The following PDE4D variants were observed in gnomAD, a reference collection of about 807,000 sequenced individuals.
The protein encoded by PDE4D is phosphodiesterase 4D.
Under a neutral mutation model 87.4 loss-of-function variants are expected in PDE4D, and 24 were observed. The ratio of observed to expected loss-of-function variants is 0.27; its 90% confidence interval spans 0.20 to 0.39. The LOEUF (loss-of-function observed/expected upper bound fraction) is 0.39. Ranked by LOEUF, PDE4D falls within the 10% of genes least tolerant of loss-of-function variation. PDE4D has a pLI of 1.00. For synonymous variants in PDE4D, 384 were observed against 383.2 expected (o/e 1.00, Z -0.02); for missense variants, 714 against 1,041.0 (o/e 0.69, Z 4.32).
chr5:59,801,150 C>T (rs890416007), intron 1 of PDE4D, among the ~76,000 whole-genome samples: 3 of 152,006 alleles, frequency 2.0e-5, no homozygotes, highest in Admixed American at 6.6e-5. Context: ...GAATCAAAGA[C>T]GAGACTGAGA....
chr5:59,083,511 T>C (rs1377712859), intron 5 of PDE4D, among the ~76,000 whole-genome samples: 1 of 152,104 alleles, frequency 6.6e-6, no homozygotes, highest in Non-Finnish European at 1.5e-5. Context: ...TTTTGCTCTA[T>C]ATTCTAAGAT....
intron 1 of PDE4D, among the ~76,000 whole-genome samples, chr5:59,531,834 C>T (rs1420319103): frequency 6.6e-6 from 1 of 152,166 alleles, no homozygotes; most frequent in African/African-American, 2.4e-5. Flanking sequence ...CTAATCAAAT[C>T]TGCAAAATCT....
intron 1 of PDE4D, among the ~76,000 whole-genome samples, chr5:59,414,530 C>A (rs1793258787): frequency 6.6e-6 from 1 of 152,180 alleles, no homozygotes; most frequent in Non-Finnish European, 1.5e-5. Context: ...GACAGTAATA[C>A]ACCAGTTTGT....
intron 3 of PDE4D, among the ~76,000 whole-genome samples, chr5:59,974,509 C>T (rs1182942181): frequency 2.0e-5 from 3 of 152,142 alleles, no homozygotes; most frequent in Non-Finnish European, 2.9e-5. Flanking sequence ...ACACCAGAAG[C>T]TCCTATTCTC....
chr5:59,195,961 C>CA (rs1199896853), intron 2 of PDE4D, among the ~76,000 whole-genome samples: 1 of 151,408 alleles, frequency 6.6e-6, no homozygotes, highest in Non-Finnish European at 1.5e-5. Context: ...TTTAAAGGGG[C>CA]AAAAATGGAA....
rs1747691249 is a variant in PDE4D at position 60,245,797 on chromosome 5, G to A, written c.-89-60110C>T. 2.0e-5 allele frequency among the ~76,000 whole-genome samples: 3 copies of A among 147,922 alleles called. 1 individual carries two copies. The highest frequency in any genetic ancestry group is 7.6e-5 in the African/African-American group (3 of 39,562). The stretch of plus-strand genomic sequence containing the variant: ...AGGCTTGTAAGGGTAGTGGAGGAGG[G>A]AGGGAAGTGGGGATGGTTAATGAGT... On this transcript the variant is annotated intron_variant, in intron 1 of 16. Transcript: ENST00000502484.
At chr5:60,031,664 CT>C (rs1351754243) in intron 2 of PDE4D, among the ~76,000 whole-genome samples, 1 of 152,042 alleles carries the variant, frequency 6.6e-6, no homozygotes, top group Admixed American at 6.5e-5. Flanking sequence ...AAGTTTTTTA[CT>C]GGAATTCCAC....
chr5:60,176,578 ATG>A (rs1374689514), intron 2 of PDE4D, among the ~76,000 whole-genome samples: 6 of 152,110 alleles, frequency 3.9e-5, no homozygotes, highest in African/African-American at 1.4e-4. Context: ...TGATTTTTCC[ATG>A]TCTTTAAATA....
intron 1 of PDE4D, among the ~76,000 whole-genome samples, chr5:59,877,300 G>A (rs1748735811): frequency 1.3e-5 from 2 of 152,064 alleles, no homozygotes; most frequent in African/African-American, 4.8e-5. Context: ...TGGTGTCTAT[G>A]CAGATAGAAT....
chr5:59,596,511 C>G (rs1028837638), intron 1 of PDE4D, among the ~76,000 whole-genome samples: 1 of 151,844 alleles, frequency 6.6e-6, no homozygotes, highest in Non-Finnish European at 1.5e-5. Flanking sequence ...GTGGGGTTTT[C>G]TGGTCTGTTT....
At chr5:59,259,268 T>C (rs1761536382) in intron 1 of PDE4D, among the ~76,000 whole-genome samples, 1 of 151,830 alleles carries the variant, frequency 6.6e-6, no homozygotes, top group South Asian at 2.1e-4. Context: ...ACCCTATGGG[T>C]AGCTTTTCCC....
chr5:59,042,684 CT>C (rs1170920257), intron 5 of PDE4D, among the ~76,000 whole-genome samples: 1 of 152,156 alleles, frequency 6.6e-6, no homozygotes, highest in African/African-American at 2.4e-5. Flanking sequence ...TAAATTGAGC[CT>C]TGAAGGCCCC....
intron 1 of PDE4D, among the ~76,000 whole-genome samples, chr5:59,690,543 C>T (rs2150401687): frequency 6.6e-6 from 1 of 152,308 alleles, no homozygotes; most frequent in South Asian, 2.1e-4. Flanking sequence ...TGGATCTCTT[C>T]CGTACACCTT....
At chr5:59,467,808 T>C (rs1801805837) in intron 1 of PDE4D, among the ~76,000 whole-genome samples, 1 of 152,232 alleles carries the variant, frequency 6.6e-6, no homozygotes, top group Non-Finnish European at 1.5e-5. Flanking sequence ...AGTTCACTGG[T>C]ATTTCATTTA....
chr5:59,168,812 G>A (rs62357967), intron 5 of PDE4D, among the ~76,000 whole-genome samples: 13,676 of 152,144 alleles, frequency 0.09, 737 homozygotes, highest in African/African-American at 0.15. Context: ...GAGAGGACTT[G>A]ACATTCTCCC....
chr5:58,993,345 A>G (rs1748372996), intron 7 of PDE4D, 27 bp downstream of exon 7: 1 of 1,371,920 alleles, frequency 7.3e-7, no homozygotes, highest in East Asian at 2.4e-5. Flanking sequence ...TGAAGAAAAA[A>G]ATTTAATTGC....
chr5:60,322,367 TACACACACACAC>T (rs60232413), intron 1 of PDE4D, among the ~76,000 whole-genome samples: 15,007 of 132,754 alleles, frequency 0.11, 826 homozygotes, highest in South Asian at 0.28. Context: ...TGGACACACA[TACACACACACAC>T]ACACACACAC....
At chr5:59,732,394 TCACACACACACACACACA>T (rs71604799) in intron 1 of PDE4D, among the ~76,000 whole-genome samples, 1 of 146,126 alleles carries the variant, frequency 6.8e-6, no homozygotes, top group Non-Finnish European at 1.5e-5. Flanking sequence ...CAGGAGACAT[TCACACACACACACACACA>T]CACACACACA....
At position 59,781,784 on chromosome 5, in the gene PDE4D, C is replaced by CAAAAAAAA. The variant is rs58613622; in HGVS notation, c.455+111376_455+111383dup. Among the ~76,000 whole-genome samples the CAAAAAAAA allele has an allele frequency of 2.8e-4, 11 of 39,894 alleles. 1 individual carries two copies. Among genetic ancestry groups the CAAAAAAAA allele is most frequent in the East Asian group, 1.5e-3 (1 of 654 alleles). 26.2% of individuals were successfully genotyped at this position (39,894 alleles called of 152,430 possible). On this transcript the variant is annotated intron_variant, in intron 1 of 14. Transcript: ENST00000340635. ...TGGGCGACAGAGCGACACTCCATCT[C>CAAAAAAAA]AAAAAAAAAAAAAAAAAAAAAAAAA...
Sources: allele counts gnomAD v4.1 joint callset (sites outside exome capture counted in the v4.1 genomes callset), GRCh38; gene constraint gnomAD v4.1.1; transcripts MANE v1.5; gene names NCBI Gene and HGNC (gene_info 2026-07-23, HGNC 2026-07-21).